UBAP2: variants seen among roughly 807,000 people sequenced by gnomAD.
UBAP2 encodes ubiquitin associated protein 2.
In UBAP2, 75 loss-of-function variants were observed where a neutral mutation model predicts 139.6. The ratio of observed to expected loss-of-function variants is 0.54; its 90% CI spans 0.45 to 0.65. The LOEUF is 0.65. Among genes scored for constraint, UBAP2 ranks in the 30% least tolerant of loss-of-function variants. The pLI is 0.00. For missense variants in UBAP2, 1,368 were observed against 1,369.6 expected (o/e 1.00, Z 0.02); for synonymous variants, 526 against 526.2 (o/e 1.00, Z 0.01).
chr9:33,924,038 C>A lies in UBAP2; in HGVS notation c.2591-38G>T, dbSNP rs371741175. 6 of 1,610,206 alleles carry A rather than the reference C, an allele frequency of 3.7e-6. No individual in the cohort carries two copies. In the African/African-American group the frequency reaches 6.7e-5, roughly 18 times the overall value. On this transcript the variant is annotated intron_variant, in intron 23 of 28. Transcript: ENST00000379238. Reference sequence around the variant, plus strand: ...ACTGACTCCAGCCACTGCCCTTCCTCCAACCAGAGAAAGGCCACACTGGCT... The same window carrying A: ...ACTGACTCCAGCCACTGCCCTTCCTACAACCAGAGAAAGGCCACACTGGCT...
chr9:34,006,911 TA>T (rs1823268678), intron 2 of UBAP2, among the ~76,000 whole-genome samples: 1 of 152,146 alleles, frequency 6.6e-6, no homozygotes. Flanking sequence ...TATTATTTAC[TA>T]AATGGCCAAA....
intron 2 of UBAP2, among the ~76,000 whole-genome samples, chr9:33,999,791 C>T (rs1371169482): frequency 6.6e-6 from 1 of 152,020 alleles, no homozygotes; most frequent in Non-Finnish European, 1.5e-5. Context: ...GACTGTGCAA[C>T]CTCCGCCTCC....
At chr9:33,995,372 T>C (rs1347316257) in intron 4 of UBAP2, 1 of 140,530 alleles carries the variant, frequency 7.1e-6, no homozygotes, top group Non-Finnish European at 1.5e-5. Flanking sequence ...TAAATAAATA[T>C]ATAAATATAT....
chr9:34,013,152 CAAAA>C (rs398010658), intron 2 of UBAP2, among the ~76,000 whole-genome samples: 19 of 78,324 alleles, frequency 2.4e-4, no homozygotes, highest in Admixed American at 2.1e-3. Context: ...GACTCTAGCT[CAAAA>C]AAAAAAAAAA....
Position 33,922,508 on chromosome 9 carries a change from T to C in UBAP2, c.3356A>G (p.Asn1119Ser). The change falls in exon 29 of 29, where the codon AAC (asparagine) becomes AGC (serine). Residue 1119 changes from asparagine (N) to serine (S), a missense_variant. Physicochemically the swap from Asn to Ser is conservative, Grantham distance 46. Transcript: ENST00000379238. The stretch of plus-strand genomic sequence containing the variant: ...GCCCACCCCTCTCTTCTGGGTTTAG[T>C]TTGTCCAGTATGGAGAGTTGCCGTA... ...PAYGNSPYWT[N>S] The C allele has an allele frequency of 6.2e-7, 1 of 1,613,780 alleles. No individual in the cohort carries two copies. Among genetic ancestry groups the C allele is most frequent in the Non-Finnish European group, 8.5e-7 (1 of 1,179,904 alleles).
Position 33,944,367 on chromosome 9 carries a change from T to C in UBAP2, c.1543A>G (p.Lys515Glu). The C allele has an allele frequency of 1.2e-6, 2 of 1,611,218 alleles. No individual in the cohort carries two copies. The highest frequency in any genetic ancestry group is 2.2e-5 in the East Asian group (1 of 44,818). Residue 515 changes from lysine to glutamate, a missense_variant and splice_region_variant, in exon 14 of 29, where the codon AAG becomes GAG. Coordinates refer to ENST00000379238, the MANE Select transcript of UBAP2 (RefSeq NM_001370062.2). ...TGACTTCATGATGAAATGCCCACCT[T>C]AGAAGCTGGGGGTATCCGCCGCTTA... Reference protein sequence around the residue: ...LAKRRIPPASKIPASAVEMPG... With the variant: ...LAKRRIPPASEIPASAVEMPG...
chr9:33,976,847 T>C (rs934801662), intron 6 of UBAP2, among the ~76,000 whole-genome samples: 4 of 149,824 alleles, frequency 2.7e-5, no homozygotes, highest in African/African-American at 7.4e-5. Flanking sequence ...AAAAAATGTA[T>C]ATATATATAC....
chr9:33,987,151 C>A (rs1213313348), intron 5 of UBAP2, among the ~76,000 whole-genome samples: 1 of 152,040 alleles, frequency 6.6e-6, no homozygotes, highest in Admixed American at 6.6e-5. Flanking sequence ...TGGCTCACAC[C>A]TATAATTCCA....
intron 1 of UBAP2, among the ~76,000 whole-genome samples, chr9:34,018,553 T>G (rs1824603087): frequency 6.6e-6 from 1 of 152,088 alleles, no homozygotes; most frequent in Admixed American, 6.6e-5. Flanking sequence ...AAGAGATGCT[T>G]GTACTTCCAT....
intron 21 of UBAP2, 55 bp downstream of exon 21, chr9:33,926,934 C>T (rs1823485993): frequency 6.4e-7 from 1 of 1,568,512 alleles, no homozygotes; most frequent in East Asian, 2.2e-5. Flanking sequence ...CTGCCAGGTG[C>T]CAGCCCCCGA....
At chr9:34,004,896 C>T (rs1330285160) in intron 2 of UBAP2, among the ~76,000 whole-genome samples, 2 of 151,970 alleles carry the variant, frequency 1.3e-5, no homozygotes, top group African/African-American at 4.8e-5. Flanking sequence ...GCCTGGGCAA[C>T]ATAGTGAGAC....
chr9:34,031,537 C>G lies in UBAP2; in HGVS notation c.-41-14348G>C, dbSNP rs1013965057. ...GGCCAGGCTGGTCTCAAACTCCTGA[C>G]CTCAGGTGATCCACCCGCCTCGGCC... On this transcript the variant is annotated intron_variant, in intron 1 of 28. Coordinates refer to ENST00000379238, the MANE Select transcript of UBAP2 (RefSeq NM_001370062.2). 3.3e-5 allele frequency among the ~76,000 whole-genome samples: 5 copies of G among 152,010 alleles called. No individual in the cohort carries two copies. In the East Asian group the frequency reaches 9.8e-4, roughly 30 times the overall value.
chr9:33,922,930 A>G, intron 27 of UBAP2, 36 bp downstream of exon 27: 1 of 1,614,098 alleles, frequency 6.2e-7, no homozygotes, highest in Non-Finnish European at 8.5e-7. Context: ...GTAACCTCTC[A>G]AAAACCTATA....
chr9:34,042,043 T>C (rs1827141134), intron 1 of UBAP2, among the ~76,000 whole-genome samples: 1 of 151,900 alleles, frequency 6.6e-6, no homozygotes, highest in South Asian at 2.1e-4. Context: ...GAAATCAACA[T>C]GGATAAATCT....
At chr9:34,039,223 T>C (rs983401036) in intron 1 of UBAP2, among the ~76,000 whole-genome samples, 5 of 146,824 alleles carry the variant, frequency 3.4e-5, no homozygotes, top group South Asian at 2.2e-4. Context: ...AGCCGCCCCG[T>C]TGGGGAGTTG....
chr9:33,930,505 C>G (rs1008884903), intron 19 of UBAP2, among the ~76,000 whole-genome samples: 1 of 151,826 alleles, frequency 6.6e-6, no homozygotes, highest in Non-Finnish European at 1.5e-5. Context: ...ATGGAAACAT[C>G]AAGATACACT....
chr9:34,044,384 G>C (rs1262195547), intron 1 of UBAP2, among the ~76,000 whole-genome samples: 1 of 151,146 alleles, frequency 6.6e-6, no homozygotes, highest in Non-Finnish European at 1.5e-5. Flanking sequence ...CTGGGCAAGA[G>C]AGCAAGACTC....
intron 22 of UBAP2, among the ~76,000 whole-genome samples, chr9:33,924,516 G>T (rs1823250823): frequency 1.3e-5 from 2 of 152,272 alleles, no homozygotes; most frequent in Non-Finnish European, 2.9e-5. Flanking sequence ...TCACCAGGCA[G>T]AGCTGCTGGA....
intron 4 of UBAP2, among the ~76,000 whole-genome samples, chr9:33,992,541 C>T (rs1300264721): frequency 6.6e-6 from 1 of 151,460 alleles, no homozygotes; most frequent in East Asian, 1.9e-4. Context: ...GCCTGGGTGA[C>T]AGCGCAAGAC....
Sources: gnomAD v4.1 joint callset for allele counts (sites outside exome capture counted in the v4.1 genomes callset) on GRCh38, gnomAD v4.1.1 for gene constraint, MANE v1.5 for transcripts, NCBI Gene and HGNC (gene_info 2026-07-23, HGNC 2026-07-21) for gene names.